Variants in FBXL17 observed in about 807,000 individuals in gnomAD.
FBXL17 encodes the protein F-box and leucine rich repeat protein 17.
In FBXL17, 22 loss-of-function variants were observed where a neutral mutation model predicts 66.2. The observed-to-expected ratio is 0.33, with a 90% CI of 0.24 to 0.47. FBXL17 has a LOEUF of 0.47. Ranked by LOEUF, FBXL17 falls within the 20% of genes least tolerant of loss-of-function variation. The pLI is 1.00. For synonymous variants in FBXL17, 474 were observed against 400.5 expected, an observed-to-expected ratio of 1.18 and a Z score of -2.19; for missense variants, 878 against 948.2, an observed-to-expected ratio of 0.93 and a Z score of 0.97.
At chr5:107,949,697 G>A (rs1010834895) in intron 7 of FBXL17, among the ~76,000 whole-genome samples, 1 of 152,178 alleles carries the variant, frequency 6.6e-6, no homozygotes, top group African/African-American at 2.4e-5. Context: ...GACTAGATAA[G>A]AGCAGCTAAC....
intron 8 of FBXL17, among the ~76,000 whole-genome samples, chr5:107,863,661 T>C (rs1002552502): frequency 3.3e-5 from 5 of 152,184 alleles, no homozygotes; most frequent in African/African-American, 1.2e-4. Context: ...ATAAGAACTA[T>C]CATGAGCCAG....
intron 6 of FBXL17, among the ~76,000 whole-genome samples, chr5:108,030,294 T>C (rs532373954): frequency 6.6e-6 from 1 of 152,228 alleles, no homozygotes; most frequent in South Asian, 2.1e-4. Flanking sequence ...GGAAAGCTAA[T>C]GAAACCAGTG....
intron 4 of FBXL17, among the ~76,000 whole-genome samples, chr5:108,292,871 G>A (rs1034652368): frequency 7.9e-5 from 12 of 152,030 alleles, no homozygotes; most frequent in East Asian, 7.7e-4. Flanking sequence ...AGGACGAGGC[G>A]GGTGGATCAC....
rs527966703 is a variant in FBXL17, at chr5:108,338,010, T to C, written c.1506+10389A>G. On this transcript the variant is annotated intron_variant, in intron 4 of 8. Coordinates refer to ENST00000542267, the MANE Select transcript of FBXL17 (RefSeq NM_001163315.3). Reference sequence around the variant, plus strand: ...TCTGATGAAACTGCCTACAATTATATATGATAAACAGAGATTTATCAGTAT... The same window carrying C: ...TCTGATGAAACTGCCTACAATTATACATGATAAACAGAGATTTATCAGTAT... Among the ~76,000 whole-genome samples, 17 of 152,202 alleles carry C rather than the reference T, an allele frequency of 1.1e-4. No individual in the cohort carries two copies. In the South Asian group the frequency reaches 2.9e-3, roughly 26 times the overall value.
Position 107,900,774 on chromosome 5 carries a change from C to T in FBXL17, c.1823-19595G>A, listed in dbSNP as rs569168401. The stretch of plus-strand genomic sequence containing the variant: ...ATTGAAGCTCCTAATATAGTAAAAT[C>T]TACTGAATTTTAGGTGACAATCTCT... On this transcript the variant is annotated intron_variant, in intron 7 of 8. Coordinates refer to ENST00000542267, the MANE Select transcript of FBXL17 (RefSeq NM_001163315.3). 2.0e-5 allele frequency among the ~76,000 whole-genome samples: 3 copies of T among 152,188 alleles called. No individual in the cohort carries two copies. The East Asian group carries it at 5.8e-4, about 29-fold the overall frequency.
At chr5:108,232,552 T>C (rs566387558) in intron 4 of FBXL17, among the ~76,000 whole-genome samples, 8 of 151,572 alleles carry the variant, frequency 5.3e-5, no homozygotes, top group Admixed American at 4.6e-4. Context: ...GTGGGCACCA[T>C]CTAATCAGCG....
At chr5:108,083,866 T>A (rs1026043273) in intron 6 of FBXL17, among the ~76,000 whole-genome samples, 1 of 152,170 alleles carries the variant, frequency 6.6e-6, no homozygotes, top group African/African-American at 2.4e-5. Flanking sequence ...GGGCCTGGAA[T>A]CCTTACTATG....
chr5:108,084,801 A>C, intron 6 of FBXL17, among the ~76,000 whole-genome samples: 1 of 152,234 alleles, frequency 6.6e-6, no homozygotes. Context: ...AAACCTAATA[A>C]AATCTCCAAG....
intron 7 of FBXL17, among the ~76,000 whole-genome samples, chr5:107,916,126 T>TG (rs1750118991): frequency 6.6e-6 from 1 of 152,212 alleles, no homozygotes; most frequent in Non-Finnish European, 1.5e-5. Context: ...GCAGTGTACA[T>TG]GGTGCAGTAA....
chr5:108,075,110 CAT>C (rs1270852302), intron 6 of FBXL17, among the ~76,000 whole-genome samples: 3 of 152,022 alleles, frequency 2.0e-5, no homozygotes, highest in African/African-American at 4.8e-5. Flanking sequence ...ATGTTTTTCA[CAT>C]GTTTACATTA....
At chr5:107,875,699 T>A (rs571915504) in intron 8 of FBXL17, among the ~76,000 whole-genome samples, 1 of 152,370 alleles carries the variant, frequency 6.6e-6, no homozygotes, top group South Asian at 2.1e-4. Flanking sequence ...TCCTGTAGAA[T>A]ACAGCAACAT....
intron 5 of FBXL17, among the ~76,000 whole-genome samples, chr5:108,212,525 T>G (rs1754421381): frequency 6.6e-6 from 1 of 152,174 alleles, no homozygotes; most frequent in Admixed American, 6.5e-5. Context: ...TGAGTCGACA[T>G]GCTCTTCCTT....
Position 107,927,476 on chromosome 5 carries a change from T to C in FBXL17, c.1823-46297A>G, listed in dbSNP as rs78101604. On this transcript the variant is annotated intron_variant, in intron 7 of 8. Coordinates refer to ENST00000542267, the MANE Select transcript of FBXL17 (RefSeq NM_001163315.3). ...ATTCTTGAGCAGCCTATGTGCTCAA[T>C]AGCTAGGAACAATCACTTTCTTTTA... 7.9e-3 allele frequency among the ~76,000 whole-genome samples: 1,197 copies of C among 152,202 alleles called. 20 individuals are homozygous for C. The highest frequency in any genetic ancestry group is 0.026 in the African/African-American group (1,095 of 41,542).
At chr5:108,354,944 G>A (rs767009427) in intron 3 of FBXL17, among the ~76,000 whole-genome samples, 1 of 151,892 alleles carries the variant, frequency 6.6e-6, no homozygotes, top group Non-Finnish European at 1.5e-5. Context: ...CAAAAGTGAA[G>A]GAGAAATAAA....
intron 4 of FBXL17, among the ~76,000 whole-genome samples, chr5:108,345,305 C>A (rs961905796): frequency 1.3e-5 from 2 of 151,318 alleles, no homozygotes; most frequent in African/African-American, 4.9e-5. Context: ...CCATTGCACT[C>A]CAGCCTGGGT....
chr5:108,327,523 G>A (rs1221010874), intron 4 of FBXL17, among the ~76,000 whole-genome samples: 1 of 152,064 alleles, frequency 6.6e-6, no homozygotes, highest in African/African-American at 2.4e-5. Context: ...GAAAATGATA[G>A]ACACCAAGGC....
At chr5:108,274,694 T>A (rs138130872) in intron 4 of FBXL17, among the ~76,000 whole-genome samples, 2 of 152,130 alleles carry the variant, frequency 1.3e-5, no homozygotes, top group South Asian at 2.1e-4. Flanking sequence ...TGTTTAGAGA[T>A]TGTAGTAAAG....
intron 5 of FBXL17, among the ~76,000 whole-genome samples, chr5:108,214,779 T>C (rs563426574): frequency 5.9e-5 from 9 of 152,204 alleles, no homozygotes; most frequent in South Asian, 4.1e-4. Flanking sequence ...TTTTTATTGA[T>C]ATAAAATTTA....
chr5:108,381,746 CG>C lies in FBXL17; in HGVS notation c.-56del. ...CGGGAGGGAGGGAGACCCAGAGAGG[CG>C]GGCTCCCGGCAGCGGGGCAGGCCGC... On this transcript the variant is annotated 5_prime_UTR_variant, in exon 1 of 9. Coordinates refer to ENST00000542267, the MANE Select transcript of FBXL17 (RefSeq NM_001163315.3). 7.3e-7 allele frequency: 1 copy of C among 1,376,560 alleles called. No individual in the cohort carries two copies. Among genetic ancestry groups the C allele is most frequent in the Non-Finnish European group, 9.3e-7 (1 of 1,071,072 alleles). 85.3% of individuals were successfully genotyped at this position (1,376,560 alleles called of 1,614,324 possible).
Sources: allele counts gnomAD v4.1 joint callset (sites outside exome capture counted in the v4.1 genomes callset), GRCh38; gene constraint gnomAD v4.1.1; transcripts MANE v1.5; gene names NCBI Gene and HGNC (gene_info 2026-07-23, HGNC 2026-07-21).